ROBO1: variants seen among roughly 807,000 people sequenced by gnomAD.
ROBO1 encodes roundabout guidance receptor 1.
A neutral mutation model predicts 195.9 loss-of-function variants in ROBO1; 149 were observed. The observed-to-expected ratio is 0.76, with a 90% confidence interval of 0.67 to 0.87. ROBO1 has a LOEUF of 0.87. Among genes scored for constraint, ROBO1 ranks in the 40% least tolerant of loss-of-function variants. ROBO1 has a pLI of 0.00. For synonymous variants in ROBO1, 816 were observed against 733.2 expected (o/e 1.11, Z -1.82); for missense variants, 1,933 against 2,068.3 (o/e 0.93, Z 1.27).
At chr3:79,549,834 T>A (rs1482624852) in intron 2 of ROBO1, among the ~76,000 whole-genome samples, 2 of 152,034 alleles carry the variant, frequency 1.3e-5, no homozygotes, top group Non-Finnish European at 2.9e-5. Context: ...TTTGGTGCAG[T>A]GGTTCACCCA....
intron 3 of ROBO1, among the ~76,000 whole-genome samples, chr3:78,955,604 A>G (rs1283807309): frequency 6.6e-6 from 1 of 152,148 alleles, no homozygotes; most frequent in Non-Finnish European, 1.5e-5. Flanking sequence ...TAATTCGCCA[A>G]AAGTCAATAA....
Position 78,651,797 on chromosome 3 carries a change from A to G in ROBO1, c.2747T>C (p.Ile916Thr). 6.2e-7 allele frequency: 1 copy of G among 1,613,722 alleles called. No homozygotes were observed. Among genetic ancestry groups the G allele is most frequent in the Non-Finnish European group, 8.5e-7 (1 of 1,179,700 alleles). The change falls in exon 19 of 31, where the codon ATC becomes ACC. Residue 916 changes from isoleucine (I) to threonine (T), a missense_variant. Around this residue, in one of 3 missense-constraint regions of ROBO1, gnomAD observed 1,737 missense variants for 1,882.5 expected, o/e 0.92. Coordinates refer to ENST00000464233, the MANE Select transcript of ROBO1 (RefSeq NM_002941.4). ...ACWIILMVFS[I>T]WLYRHRKKRN... The stretch of plus-strand genomic sequence containing the variant: ...CTTCTTGCGGTGTCGATAAAGCCAG[A>G]TGCTGAAGACCATGAGGATGATCCA...
chr3:78,915,859 T>C (rs2107563087), intron 4 of ROBO1, among the ~76,000 whole-genome samples: 1 of 152,254 alleles, frequency 6.6e-6, no homozygotes, highest in South Asian at 2.1e-4. Flanking sequence ...GGTCTCACTA[T>C]GCTGCCCAGG....
chr3:78,952,360 T>C (rs1197193319), intron 3 of ROBO1, among the ~76,000 whole-genome samples: 2 of 149,504 alleles, frequency 1.3e-5, no homozygotes. Flanking sequence ...TGTAATTATA[T>C]ATATAATATA....
intron 2 of ROBO1, among the ~76,000 whole-genome samples, chr3:79,270,822 T>C (rs1208263873): frequency 1.3e-5 from 2 of 151,958 alleles, no homozygotes; most frequent in African/African-American, 4.8e-5. Context: ...AGAGAATGGC[T>C]TTTTCGGCTT....
chr3:79,184,143 G>T (rs2081394512), intron 2 of ROBO1, among the ~76,000 whole-genome samples: 1 of 152,092 alleles, frequency 6.6e-6, no homozygotes, highest in East Asian at 1.9e-4. Flanking sequence ...AAAAGTATCG[G>T]CAGGATGCAG....
At chr3:79,721,390 A>G (rs1234491236) in intron 1 of ROBO1, among the ~76,000 whole-genome samples, 1 of 152,138 alleles carries the variant, frequency 6.6e-6, no homozygotes, top group Non-Finnish European at 1.5e-5. Context: ...AAGTACCAAA[A>G]CAGTCTCTTA....
chr3:79,212,719 C>G (rs1341523705), intron 2 of ROBO1, among the ~76,000 whole-genome samples: 1 of 151,848 alleles, frequency 6.6e-6, no homozygotes, highest in Non-Finnish European at 1.5e-5. Flanking sequence ...ACTTGGGAGG[C>G]TGAGGCATGA....
chr3:79,364,550 CTAAT>C (rs2035895722), intron 2 of ROBO1, among the ~76,000 whole-genome samples: 1 of 151,848 alleles, frequency 6.6e-6, no homozygotes, highest in African/African-American at 2.4e-5. Context: ...TTACTCTTGA[CTAAT>C]TAATCTTTTC....
intron 1 of ROBO1, among the ~76,000 whole-genome samples, chr3:79,696,176 C>A (rs1257786214): frequency 6.6e-6 from 1 of 151,400 alleles, no homozygotes; most frequent in Non-Finnish European, 1.5e-5. Flanking sequence ...TAGCCTGCAA[C>A]TTTTCCTCCA....
At chr3:79,245,670 A>G (rs974588744) in intron 2 of ROBO1, among the ~76,000 whole-genome samples, 4 of 151,968 alleles carry the variant, frequency 2.6e-5, no homozygotes, top group Non-Finnish European at 5.9e-5. Context: ...GCAAAGTTAC[A>G]TTGTAGAAGG....
intron 4 of ROBO1, among the ~76,000 whole-genome samples, chr3:78,750,354 G>A (rs1384922676): frequency 1.3e-5 from 2 of 151,698 alleles, no homozygotes; most frequent in Non-Finnish European, 2.9e-5. Flanking sequence ...TCAGGAGGCT[G>A]AGGCAAGAGA....
chr3:79,269,251 A>G (rs1336193901), intron 2 of ROBO1, among the ~76,000 whole-genome samples: 1 of 151,790 alleles, frequency 6.6e-6, no homozygotes, highest in African/African-American at 2.4e-5. Context: ...CTAGATTACA[A>G]TGTTTTTCCT....
At chr3:79,335,741 G>GA (rs1441794134) in intron 2 of ROBO1, among the ~76,000 whole-genome samples, 2 of 152,142 alleles carry the variant, frequency 1.3e-5, no homozygotes, top group Non-Finnish European at 2.9e-5. Context: ...AAAGATACCT[G>GA]AAAATGTGGA....
intron 1 of ROBO1, among the ~76,000 whole-genome samples, chr3:79,621,397 C>A (rs1478974045): frequency 1.3e-5 from 2 of 152,162 alleles, no homozygotes; most frequent in Non-Finnish European, 2.9e-5. Context: ...CTTTATTGCT[C>A]ACACAAAGCC....
At chr3:79,675,586 G>A (rs1176782576) in intron 1 of ROBO1, among the ~76,000 whole-genome samples, 1 of 151,964 alleles carries the variant, frequency 6.6e-6, no homozygotes, top group Non-Finnish European at 1.5e-5. Context: ...AAGGTGATCT[G>A]AATAATCTAT....
At chr3:79,263,499 A>G (rs531301508) in intron 2 of ROBO1, among the ~76,000 whole-genome samples, 8 of 152,096 alleles carry the variant, frequency 5.3e-5, no homozygotes, top group African/African-American at 1.7e-4. Context: ...AAAAATTAAA[A>G]AATAATTAGC....
intron 3 of ROBO1, among the ~76,000 whole-genome samples, chr3:78,949,960 G>A (rs1232573327): frequency 1.3e-5 from 2 of 152,158 alleles, no homozygotes; most frequent in African/African-American, 4.8e-5. Context: ...ACTATAATGA[G>A]ATACCATCTC....
intron 2 of ROBO1, among the ~76,000 whole-genome samples, chr3:79,338,573 A>C (rs1318738936): frequency 6.6e-6 from 1 of 152,176 alleles, no homozygotes; most frequent in Non-Finnish European, 1.5e-5. Flanking sequence ...TGAAGCATTA[A>C]GGGAGGTTTC....
Sources: allele counts gnomAD v4.1 joint callset (sites outside exome capture counted in the v4.1 genomes callset), GRCh38; gene constraint gnomAD v4.1.1; regional missense constraint gnomAD v4.1.1; transcripts MANE v1.5; gene names NCBI Gene and HGNC (gene_info 2026-07-23, HGNC 2026-07-21).